Variants in RBFOX1 observed in about 807,000 individuals in gnomAD.
The protein encoded by RBFOX1 is RNA binding protein fox-1 homolog 1.
Under a neutral mutation model 57.7 loss-of-function variants are expected in RBFOX1, and 8 were observed. The observed-to-expected ratio is 0.14, with a 90% CI of 0.08 to 0.25. The LOEUF (loss-of-function observed/expected upper bound fraction) is 0.25, where lower values mean the gene tolerates loss of function less well. Among genes scored for constraint, RBFOX1 ranks in the 10% least tolerant of loss-of-function variants. The pLI, the probability that RBFOX1 is intolerant of heterozygous loss-of-function variation, is 1.00. For synonymous variants in RBFOX1, 326 were observed against 222.4 expected (o/e 1.47, Z -4.15); for missense variants, 611 against 548.5 (o/e 1.11, Z -1.14).
chr16:5,291,711 G>T (rs1437873162), intron 1 of RBFOX1, among the ~76,000 whole-genome samples: 1 of 152,202 alleles, frequency 6.6e-6, no homozygotes, highest in Non-Finnish European at 1.5e-5. Flanking sequence ...CAGTCAGGAG[G>T]CATTTGCAGT....
chr16:7,655,974 C>T (rs1323185946), intron 12 of RBFOX1, among the ~76,000 whole-genome samples: 1 of 152,102 alleles, frequency 6.6e-6, no homozygotes, highest in Non-Finnish European at 1.5e-5. Context: ...CAGGGAGAGA[C>T]ACAGGCATTT....
At chr16:6,066,712 G>C (rs1190340211) in intron 1 of RBFOX1, among the ~76,000 whole-genome samples, 2 of 152,176 alleles carry the variant, frequency 1.3e-5, no homozygotes, top group Non-Finnish European at 2.9e-5. Context: ...AATGGCAGCA[G>C]GTATACTGTG....
At chr16:6,581,414 C>A (rs368696858) in intron 2 of RBFOX1, among the ~76,000 whole-genome samples, 2 of 152,184 alleles carry the variant, frequency 1.3e-5, no homozygotes, top group Non-Finnish European at 2.9e-5. Context: ...TCACTGTTGG[C>A]AGCTGGTACA....
intron 4 of RBFOX1, among the ~76,000 whole-genome samples, chr16:7,094,998 G>A (rs2061469391): frequency 6.6e-6 from 1 of 152,046 alleles, no homozygotes; most frequent in South Asian, 2.1e-4. Flanking sequence ...ATCAATTGTG[G>A]AATAACCTTT....
chr16:5,823,085 A>G (rs896107616), intron 3 of RBFOX1, among the ~76,000 whole-genome samples: 1 of 152,110 alleles, frequency 6.6e-6, no homozygotes, highest in African/African-American at 2.4e-5. Flanking sequence ...CCCATTTGGA[A>G]CTTTTCCCTC....
At chr16:6,144,314 G>A (rs1321459955) in intron 1 of RBFOX1, among the ~76,000 whole-genome samples, 1 of 152,064 alleles carries the variant, frequency 6.6e-6, no homozygotes, top group Non-Finnish European at 1.5e-5. Flanking sequence ...TTCAGTTTGT[G>A]GCAAATTTAG....
chr16:5,325,753 G>A (rs2064552533), intron 1 of RBFOX1, among the ~76,000 whole-genome samples: 1 of 152,164 alleles, frequency 6.6e-6, no homozygotes, highest in Non-Finnish European at 1.5e-5. Context: ...GTGGTTGTGT[G>A]TACCAATAGT....
At chr16:6,555,775 C>T (rs955537628) in intron 2 of RBFOX1, among the ~76,000 whole-genome samples, 7 of 152,126 alleles carry the variant, frequency 4.6e-5, no homozygotes, top group Admixed American at 1.3e-4. Flanking sequence ...TGTTTAGTTA[C>T]GCACTTGTGT....
rs184782111 is a variant in RBFOX1 at position 5,315,261 on chromosome 16, C to G, written c.219+75156C>G. Among the ~76,000 whole-genome samples, 8 of 152,094 alleles carry G rather than the reference C, an allele frequency of 5.3e-5. No individual in the cohort carries two copies. In the South Asian group the frequency reaches 1.5e-3, roughly 28 times the overall value. ...TCTGCTGTGGGACGGGGGAGGAGGCCGTCCGTCTGTCCAGGTGAAATGTCT... is the reference window on the plus strand; with the variant it reads ...TCTGCTGTGGGACGGGGGAGGAGGCGGTCCGTCTGTCCAGGTGAAATGTCT... On this transcript the variant is annotated intron_variant, in intron 1 of 2. Transcript: ENST00000585867.
chr16:6,166,511 T>G (rs1193148510), intron 1 of RBFOX1, among the ~76,000 whole-genome samples: 2 of 152,188 alleles, frequency 1.3e-5, no homozygotes, highest in Non-Finnish European at 2.9e-5. Context: ...CTCTGTTTTC[T>G]TTTTCCATGT....
At chr16:6,553,587 T>G (rs1017151097) in intron 2 of RBFOX1, among the ~76,000 whole-genome samples, 1 of 152,208 alleles carries the variant, frequency 6.6e-6, no homozygotes, top group African/African-American at 2.4e-5. Context: ...ACCTTTGTGC[T>G]ACTCACAAGT....
chr16:5,464,883 A>G (rs2151604795), intron 1 of RBFOX1, among the ~76,000 whole-genome samples: 1 of 152,166 alleles, frequency 6.6e-6, no homozygotes, highest in Admixed American at 6.5e-5. Flanking sequence ...GCCCAGGAGG[A>G]AGGTCTGTAT....
chr16:5,387,614 A>G (rs1347000604), intron 1 of RBFOX1, among the ~76,000 whole-genome samples: 3 of 152,212 alleles, frequency 2.0e-5, no homozygotes, highest in African/African-American at 4.8e-5. Flanking sequence ...TCTCACGGCC[A>G]CACCTATTGG....
intron 3 of RBFOX1, among the ~76,000 whole-genome samples, chr16:5,761,158 T>C (rs1322095115): frequency 6.6e-6 from 1 of 152,172 alleles, no homozygotes; most frequent in African/African-American, 2.4e-5. Flanking sequence ...GAAATGCTTC[T>C]GTAGATGTGG....
intron 4 of RBFOX1, among the ~76,000 whole-genome samples, chr16:7,241,526 C>T (rs1446537202): frequency 6.6e-6 from 1 of 152,154 alleles, no homozygotes; most frequent in Non-Finnish European, 1.5e-5. Context: ...AATTTCACAG[C>T]AAACACTTTT....
rs555953868 is a variant in RBFOX1, at chr16:7,314,173, G to T, written c.28-203974G>T. 2.2e-3 allele frequency among the ~76,000 whole-genome samples: 329 copies of T among 152,304 alleles called. 2 individuals are homozygous for T. The highest frequency in any genetic ancestry group is 7.6e-3 in the African/African-American group (317 of 41,556). On this transcript the variant is annotated intron_variant, in intron 4 of 15. Coordinates refer to ENST00000550418, the MANE Select transcript of RBFOX1 (RefSeq NM_018723.4). Reference sequence around the variant, plus strand: ...TCATCAGCACTGAGAATGATGGAGTGTATTTCTCCGCAACCAATTCCAATC... The same window carrying T: ...TCATCAGCACTGAGAATGATGGAGTTTATTTCTCCGCAACCAATTCCAATC...
At chr16:5,802,203 T>C (rs1252755205) in intron 3 of RBFOX1, among the ~76,000 whole-genome samples, 1 of 152,058 alleles carries the variant, frequency 6.6e-6, no homozygotes, top group African/African-American at 2.4e-5. Context: ...CGCTTTAAGC[T>C]CCCCATCAAA....
chr16:7,152,552 A>T (rs1216966176), intron 4 of RBFOX1, among the ~76,000 whole-genome samples: 1 of 152,140 alleles, frequency 6.6e-6, no homozygotes, highest in East Asian at 1.9e-4. Context: ...AATCTTGATA[A>T]AGATAGGCAG....
At chr16:7,627,611 G>A (rs2060278195) in intron 10 of RBFOX1, among the ~76,000 whole-genome samples, 1 of 152,144 alleles carries the variant, frequency 6.6e-6, no homozygotes, top group African/African-American at 2.4e-5. Flanking sequence ...GAAGTGCTTT[G>A]AATGACCTTG....
Sources: gnomAD v4.1 joint callset for allele counts (sites outside exome capture counted in the v4.1 genomes callset) on GRCh38, gnomAD v4.1.1 for gene constraint, MANE v1.5 for transcripts, NCBI Gene and HGNC (gene_info 2026-07-23, HGNC 2026-07-21) for gene names.